Variants in GET4 observed in about 807,000 individuals in gnomAD.
GET4 encodes the protein Golgi to ER traffic protein 4 homolog.
GET4 carries 20 observed loss-of-function variants against 40.0 expected under a neutral mutation model. The observed-to-expected ratio is 0.50, with a 90% CI of 0.35 to 0.73. GET4 has a LOEUF of 0.73. Among genes scored for constraint, GET4 ranks in the 30% least tolerant of loss-of-function variants. GET4 has a pLI of 0.01. For missense variants in GET4, 557 were observed against 454.0 expected (o/e 1.23, Z -2.06); for synonymous variants, 280 against 194.6 (o/e 1.44, Z -3.65).
intron 1 of GET4, chr7:882,699 G>T (rs139048659): frequency 1.3e-5 from 2 of 152,610 alleles, no homozygotes; most frequent in Non-Finnish European, 2.9e-5. Flanking sequence ...GGGATGGCGC[G>T]GGTTGTGGTC....
At chr7:892,156 G>A in intron 5 of GET4, 122 bp from the exon 6 acceptor site, 2 of 938,444 alleles carry the variant, frequency 2.1e-6, no homozygotes, top group Non-Finnish European at 3.3e-6. Context: ...GTCCCTCCAT[G>A]GCCTTGGGCC....
At chr7:894,036 C>T (rs1844409816) in intron 8 of GET4, 65 bp downstream of exon 8, 2 of 1,076,850 alleles carry the variant, frequency 1.9e-6, no homozygotes, top group Non-Finnish European at 2.7e-6. Flanking sequence ...ATCATCTCTG[C>T]CCAGGCAGGT....
At chr7:893,596 A>C (rs878882935) in intron 6 of GET4, 144 bp from the exon 7 acceptor site, 1 of 248,694 alleles carries the variant, frequency 4.0e-6, no homozygotes. Flanking sequence ...AGTGTTGGGC[A>C]TGGGCGCGGT....
intron 3 of GET4, chr7:886,952 C>A (rs1207099556): frequency 1.9e-6 from 1 of 525,448 alleles, no homozygotes; most frequent in East Asian, 3.5e-5. Flanking sequence ...AGGTGGGGCA[C>A]CACTTTGGCT....
intron 3 of GET4, among the ~76,000 whole-genome samples, chr7:886,867 T>C (rs916949126): frequency 2.0e-5 from 3 of 152,238 alleles, no homozygotes; most frequent in South Asian, 4.1e-4. Flanking sequence ...CCTGCTGTGA[T>C]TCGTAGGCAG....
chr7:894,091 TG>T (rs1407852906), intron 8 of GET4, 120 bp downstream of exon 8: 3 of 603,524 alleles, frequency 5.0e-6, no homozygotes, highest in Non-Finnish European at 8.5e-6. Context: ...ATCTTTTAAA[TG>T]TTTCTCAGTT....
intron 1 of GET4, among the ~76,000 whole-genome samples, chr7:878,930 G>A (rs904566924): frequency 6.6e-6 from 1 of 151,834 alleles, no homozygotes; most frequent in Non-Finnish European, 1.5e-5. Context: ...AATGGAGTGT[G>A]GTGTGTCCTG....
chr7:884,487 C>G (rs1244481371), intron 1 of GET4: 1 of 610,274 alleles, frequency 1.6e-6, no homozygotes, highest in Non-Finnish European at 2.5e-6. Context: ...TGCGGGGGCA[C>G]TTTCTCTCTT....
chr7:887,329 T>C, intron 3 of GET4, 41 bp from the exon 4 acceptor site: 1 of 1,557,410 alleles, frequency 6.4e-7, no homozygotes, highest in South Asian at 1.2e-5. Flanking sequence ...AGAGCCGGAG[T>C]GGCCGTGCGT....
chr7:892,428 G>A lies in GET4; in HGVS notation c.746+10G>A. 1 of 1,584,360 alleles carries A rather than the reference G, an allele frequency of 6.3e-7. No homozygotes were observed. The highest frequency in any genetic ancestry group is 1.3e-5 in the African/African-American group (1 of 74,548). ...TGCTGGCTGTGGACGGGTGCGTCTT[G>A]GGATCCTGCAGGGGGAGGGGGCTGT... On this transcript the variant is annotated intron_variant, in intron 6 of 8. Transcript: ENST00000265857.
intron 8 of GET4, 29 bp downstream of exon 8, chr7:894,000 C>G (rs373881085): frequency 2.5e-5 from 38 of 1,504,762 alleles, no homozygotes; most frequent in Middle Eastern, 2.2e-4. Flanking sequence ...GTCACACCCA[C>G]TCCAGCCCTG....
At chr7:891,787 G>A (rs1405339666) in intron 5 of GET4, among the ~76,000 whole-genome samples, 2 of 152,270 alleles carry the variant, frequency 1.3e-5, no homozygotes, top group Non-Finnish European at 2.9e-5. Flanking sequence ...GAAAAGCTGG[G>A]TCAAACCCAG....
rs562283773 is a variant in GET4, at chr7:891,701, T to G, written c.606-577T>G. ...GGGCGTTGGGGATTTGATGTAGGATTTGGGGACAGACATCCTCTGACCTCA... is the reference window on the plus strand; with the variant it reads ...GGGCGTTGGGGATTTGATGTAGGATGTGGGGACAGACATCCTCTGACCTCA... On this transcript the variant is annotated intron_variant, in intron 5 of 8. Transcript: ENST00000265857. Among the ~76,000 whole-genome samples the G allele has an allele frequency of 5.9e-5, 9 of 152,352 alleles. No individual in the cohort carries two copies. In the South Asian group the frequency reaches 1.9e-3, roughly 32 times the overall value.
rs535338197 is a variant in GET4, at chr7:886,860, G to A, written c.316+210G>A. On this transcript the variant is annotated intron_variant, in intron 3 of 8. Transcript: ENST00000265857. ...GCACACGGCAGGCTGAGCAGGACCT[G>A]CTGTGATTCGTAGGCAGGGCATGAC... 1.8e-3 allele frequency among the ~76,000 whole-genome samples: 280 copies of A among 152,244 alleles called. 1 individual carries two copies. Among genetic ancestry groups the A allele is most frequent in the Non-Finnish European group, 3.8e-3 (258 of 68,034 alleles).
chr7:883,372 GAGA>G (rs1278294719), intron 1 of GET4: 4 of 295,282 alleles, frequency 1.4e-5, no homozygotes, highest in Non-Finnish European at 2.0e-5. Context: ...TCTGCCAAGA[GAGA>G]AGGGCGGGAT....
Position 887,550 on chromosome 7 carries a change from C to A in GET4, c.466+31C>A. 13 of 1,479,144 alleles carry A rather than the reference C, an allele frequency of 8.8e-6. No homozygotes were observed. In the Middle Eastern group the frequency reaches 5.9e-4, roughly 67 times the overall value. The allele number at this position is 1,479,144 out of a possible 1,614,324, so 91.6% of individuals were successfully genotyped here. On this transcript the variant is annotated intron_variant, in intron 4 of 8. Coordinates refer to ENST00000265857, the MANE Select transcript of GET4 (RefSeq NM_015949.3). ...CCTGGGGCCAGGGCAGGCGTGGGCACCTCTCTGCTCTCGGCGTTGATTTGC... is the reference window on the plus strand; with the variant it reads ...CCTGGGGCCAGGGCAGGCGTGGGCAACTCTCTGCTCTCGGCGTTGATTTGC...
intron 1 of GET4, among the ~76,000 whole-genome samples, chr7:878,663 C>G (rs1350439572): frequency 6.6e-6 from 1 of 151,300 alleles, no homozygotes; most frequent in Non-Finnish European, 1.5e-5. Context: ...ACTGCAACCT[C>G]CACCTCCCGA....
chr7:893,800 C>G lies in GET4; in HGVS notation c.807C>G (p.Asp269Glu). Residue 269 changes from aspartate to glutamate, a missense_variant, in exon 7 of 9, where the codon GAC becomes GAG. Coordinates refer to ENST00000265857, the MANE Select transcript of GET4 (RefSeq NM_015949.3). ...CEQYQPSLRR[D>E]PMYNEYLDRI... ...AGTACCAGCCATCCCTCCGGCGGGA[C>G]CCCATGTACAACGAGGTGAGAGCTT... is the stretch of plus-strand genomic sequence containing the variant. 1 of 1,610,826 alleles carries G rather than the reference C, an allele frequency of 6.2e-7. No individual in the cohort carries two copies. Among genetic ancestry groups the G allele is most frequent in the Non-Finnish European group, 8.5e-7 (1 of 1,177,618 alleles).
intron 5 of GET4, among the ~76,000 whole-genome samples, chr7:891,672 A>C (rs564944641): frequency 1.2e-4 from 19 of 152,248 alleles, no homozygotes; most frequent in Non-Finnish European, 2.1e-4. Context: ...ATGGATTTCA[A>C]GGCGGGCGTT....
Sources: allele counts gnomAD v4.1 joint callset (sites outside exome capture counted in the v4.1 genomes callset), GRCh38; gene constraint gnomAD v4.1.1; transcripts MANE v1.5; gene names NCBI Gene and HGNC (gene_info 2026-07-23, HGNC 2026-07-21).